The following ROBO2 variants were observed in gnomAD, a reference collection of about 807,000 sequenced individuals.
ROBO2 encodes roundabout homolog 2.
Under a neutral mutation model 160.8 loss-of-function variants are expected in ROBO2, and 53 were observed. The ratio of observed to expected loss-of-function variants is 0.33; its 90% confidence interval spans 0.26 to 0.41. The LOEUF (loss-of-function observed/expected upper bound fraction) is 0.41, where lower values mean the gene tolerates loss of function less well. Ranked by LOEUF, ROBO2 falls within the 10% of genes least tolerant of loss-of-function variation. The pLI, the probability that ROBO2 is intolerant of heterozygous loss-of-function variation, is 1.00. For missense variants in ROBO2, 1,577 were observed against 1,722.4 expected (o/e 0.92, Z 1.49); for synonymous variants, 664 against 611.7 (o/e 1.09, Z -1.26).
intron 2 of ROBO2, among the ~76,000 whole-genome samples, chr3:76,088,575 T>C (rs1269885571): frequency 6.6e-6 from 1 of 151,882 alleles, no homozygotes; most frequent in Non-Finnish European, 1.5e-5. Flanking sequence ...GCTGGAAAAA[T>C]CCCAAAATAC....
chr3:76,494,263 C>A (rs1270738837), intron 2 of ROBO2, among the ~76,000 whole-genome samples: 2 of 152,192 alleles, frequency 1.3e-5, no homozygotes, highest in Non-Finnish European at 2.9e-5. Flanking sequence ...CCTCTACCCT[C>A]TTAGGGTACT....
At chr3:77,321,794 G>C (rs2064731602) in intron 2 of ROBO2, among the ~76,000 whole-genome samples, 1 of 152,124 alleles carries the variant, frequency 6.6e-6, no homozygotes, top group South Asian at 2.1e-4. Context: ...ACCGAGAACT[G>C]TGCAAAGAGA....
chr3:77,245,432 T>G (rs1023853588), intron 2 of ROBO2, among the ~76,000 whole-genome samples: 3 of 152,202 alleles, frequency 2.0e-5, no homozygotes, highest in African/African-American at 7.2e-5. Flanking sequence ...ATTAAAAAAT[T>G]AATTCTGTGC....
intron 2 of ROBO2, among the ~76,000 whole-genome samples, chr3:77,279,527 T>C (rs2060109434): frequency 6.6e-6 from 1 of 152,132 alleles, no homozygotes; most frequent in Non-Finnish European, 1.5e-5. Flanking sequence ...TCTTTTAACA[T>C]GCAAATATTT....
chr3:76,515,741 A>G (rs1226489856), intron 2 of ROBO2, among the ~76,000 whole-genome samples: 1 of 152,184 alleles, frequency 6.6e-6, no homozygotes, highest in Non-Finnish European at 1.5e-5. Context: ...GTTGAACTCT[A>G]GAAAGAAAAC....
chr3:77,431,143 A>C (rs2078729378), intron 2 of ROBO2, among the ~76,000 whole-genome samples: 1 of 152,224 alleles, frequency 6.6e-6, no homozygotes, highest in Admixed American at 6.5e-5. Context: ...GCATTTAGCA[A>C]TTGGCTCCTG....
rs187236551 is a variant in ROBO2 at position 77,113,853 on chromosome 3, G to A, written c.388+15513G>A. 9.3e-4 allele frequency among the ~76,000 whole-genome samples: 142 copies of A among 152,288 alleles called. No individual in the cohort carries two copies. In the Middle Eastern group the frequency reaches 0.014, roughly 15 times the overall value. On this transcript the variant is annotated intron_variant, in intron 2 of 25. Coordinates refer to ENST00000461745, the Ensembl canonical transcript of ROBO2. The stretch of plus-strand genomic sequence containing the variant: ...ATAGGATTAAATCAGAAAATAATAA[G>A]GCAACCTTTAGATGAATCAGGTCAT...
intron 2 of ROBO2, among the ~76,000 whole-genome samples, chr3:77,023,354 T>C (rs764750157): frequency 1.3e-5 from 2 of 152,232 alleles, no homozygotes; most frequent in Non-Finnish European, 2.9e-5. Flanking sequence ...GTCTTGGGTA[T>C]GTTTTTATCA....
At chr3:76,877,032 G>A (rs901636392) in intron 2 of ROBO2, among the ~76,000 whole-genome samples, 5 of 151,784 alleles carry the variant, frequency 3.3e-5, no homozygotes, top group African/African-American at 1.2e-4. Context: ...CAAGTCCTAG[G>A]TAAAAGGATA....
chr3:77,596,437 C>T (rs114880886), intron 18 of ROBO2, among the ~76,000 whole-genome samples, 186 bp from the exon 20 acceptor site: 13 of 152,226 alleles, frequency 8.5e-5, no homozygotes, highest in Middle Eastern at 3.4e-3. Context: ...GGACTCCCTG[C>T]GTCCACTGTT....
chr3:76,884,663 T>A (rs1332971340), intron 2 of ROBO2, among the ~76,000 whole-genome samples: 3 of 152,222 alleles, frequency 2.0e-5, no homozygotes, highest in Non-Finnish European at 4.4e-5. Flanking sequence ...AGTAAGTTAC[T>A]AGAAGCCTAG....
chr3:76,634,977 A>G (rs564389710), intron 2 of ROBO2, among the ~76,000 whole-genome samples: 10 of 152,296 alleles, frequency 6.6e-5, no homozygotes, highest in African/African-American at 2.2e-4. Context: ...ATGACAATAT[A>G]ATGCCTGATG....
chr3:77,461,306 G>A (rs988303531), intron 2 of ROBO2, among the ~76,000 whole-genome samples: 4 of 151,840 alleles, frequency 2.6e-5, no homozygotes, highest in African/African-American at 9.7e-5. Context: ...CTCTCAGTAT[G>A]CATTTTAATG....
At chr3:76,963,045 G>T (rs2079787519) in intron 2 of ROBO2, among the ~76,000 whole-genome samples, 1 of 151,192 alleles carries the variant, frequency 6.6e-6, no homozygotes, top group Non-Finnish European at 1.5e-5. Flanking sequence ...CTAAATAAAT[G>T]TAAGTCAAAA....
At chr3:76,043,646 A>AAAC (rs2067354075) in intron 2 of ROBO2, among the ~76,000 whole-genome samples, 1 of 144,712 alleles carries the variant, frequency 6.9e-6, no homozygotes, top group Non-Finnish European at 1.5e-5. Context: ...AAAAAAAAAA[A>AAAC]CCACACCAAA....
At chr3:77,312,122 T>A (rs1016241951) in intron 2 of ROBO2, among the ~76,000 whole-genome samples, 2 of 152,078 alleles carry the variant, frequency 1.3e-5, no homozygotes, top group African/African-American at 2.4e-5. Context: ...AATTTTAAAA[T>A]TTTTTAAGTT....
At chr3:76,589,264 G>GA (rs1560196523) in intron 2 of ROBO2, among the ~76,000 whole-genome samples, 3 of 152,050 alleles carry the variant, frequency 2.0e-5, no homozygotes, top group Admixed American at 6.5e-5. Context: ...ATATGAAGCT[G>GA]AAAAAATGAA....
chr3:77,589,221 AACACAC>A (rs3073102), intron 17 of ROBO2, among the ~76,000 whole-genome samples: 1 of 151,342 alleles, frequency 6.6e-6, no homozygotes, highest in African/African-American at 2.4e-5. Context: ...CATAAACTCA[AACACAC>A]ACACACACAC....
intron 2 of ROBO2, among the ~76,000 whole-genome samples, chr3:76,012,713 T>C (rs2107618455): frequency 6.6e-6 from 1 of 152,310 alleles, no homozygotes; most frequent in Admixed American, 6.5e-5. Flanking sequence ...TTTAGAGGTA[T>C]ATAATTTATC....
Sources: gnomAD v4.1 joint callset for allele counts (sites outside exome capture counted in the v4.1 genomes callset) on GRCh38, gnomAD v4.1.1 for gene constraint, MANE v1.5 for transcripts, NCBI Gene and HGNC (gene_info 2026-07-23, HGNC 2026-07-21) for gene names.